Variants in YTHDC1 observed in about 807,000 individuals in gnomAD.
YTHDC1 encodes YTH N6-methyladenosine RNA binding protein C1, also known as YTH domain-containing protein 1.
YTHDC1 carries 12 observed loss-of-function variants against 107.0 expected under a neutral mutation model. That is an observed-to-expected ratio of 0.11 (90% CI 0.07 to 0.18). The LOEUF is 0.18. Among genes scored for constraint, YTHDC1 ranks in the 10% least tolerant of loss-of-function variants. The pLI is 1.00. For synonymous variants in YTHDC1, 280 were observed against 289.5 expected, an observed-to-expected ratio of 0.97 and a Z score of 0.33; for missense variants, 635 against 898.8, an observed-to-expected ratio of 0.71 and a Z score of 3.75.
At chr4:68,349,688 C>T in intron 1 of YTHDC1, 38 bp downstream of exon 1, 1 of 1,529,048 alleles carries the variant, frequency 6.5e-7, no homozygotes, top group South Asian at 1.1e-5. Context: ...TCCCGGGCCC[C>T]AGCCTCGCCT....
rs1560496601 is a variant in YTHDC1 at position 68,337,338 on chromosome 4, G to A, written c.572C>T (p.Ser191Phe). ...SDHETGSSGSSDEQGNNTENE... is the reference protein window; with the variant it reads ...SDHETGSSGSFDEQGNNTENE... The stretch of plus-strand genomic sequence containing the variant: ...CTCAGTGTTGTTCCCTTGCTCATCA[G>A]AAGAACCACTGCTGCCAGTCTCATG... The change falls in exon 4 of 17, where the codon TCT (serine) becomes TTT (phenylalanine). Residue 191 changes from serine (S) to phenylalanine (F), a missense_variant. By Grantham distance (155) the Ser-to-Phe change is radical (BLOSUM62 -2). Coordinates refer to ENST00000344157, the MANE Select transcript of YTHDC1 (RefSeq NM_001031732.4). 1.9e-6 allele frequency: 3 copies of A among 1,613,880 alleles called. No individual in the cohort carries two copies. The highest frequency in any genetic ancestry group is 2.5e-6 in the Non-Finnish European group (3 of 1,180,000).
At chr4:68,341,629 C>T (rs1225186685) in intron 1 of YTHDC1, among the ~76,000 whole-genome samples, 1 of 151,810 alleles carries the variant, frequency 6.6e-6, no homozygotes, top group Non-Finnish European at 1.5e-5. Flanking sequence ...ACACTTACAG[C>T]CCACAAAGTC....
In YTHDC1 at chr4:68,337,866, A is replaced by T; in HGVS notation, c.165T>A (p.Thr55=). The T allele has an allele frequency of 1.9e-6, 3 of 1,613,602 alleles. No homozygotes were observed. The highest frequency in any genetic ancestry group is 3.3e-5 in the Admixed American group (2 of 60,000). Residue 55 remains threonine, a synonymous_variant, in exon 3 of 17, where the codon ACT becomes ACA. Transcript: ENST00000344157. ...SKRKSDRMES[T]DTKRQKPSVH... ...CAGAAGGCTTTTGTCGTTTGGTATC[A>T]GTAGATTCCATTCGATCACTTTTTC...
chr4:68,345,915 T>C lies in YTHDC1; in HGVS notation c.28+3811A>G, dbSNP rs549451841. 1.1e-4 allele frequency among the ~76,000 whole-genome samples: 17 copies of C among 152,000 alleles called. 1 individual carries two copies. The East Asian group carries it at 3.1e-3, about 28-fold the overall frequency. On this transcript the variant is annotated intron_variant, in intron 1 of 16. Coordinates refer to ENST00000344157, the MANE Select transcript of YTHDC1 (RefSeq NM_001031732.4). ...TGCCTAGGGACAATAGACTATACCA[T>C]ACAGCCTAGATATGTAGTAGGTTAT...
chr4:68,345,016 G>GT (rs1235232781), intron 1 of YTHDC1, among the ~76,000 whole-genome samples: 1 of 152,176 alleles, frequency 6.6e-6, no homozygotes, highest in African/African-American at 2.4e-5. Context: ...GGGCAACAGA[G>GT]TAAGACCCTG....
chr4:68,314,430 A>C lies in YTHDC1; in HGVS notation c.1960-107T>G, dbSNP rs1052700846. ...TATAAACAATTTTAAAATATAAAAA[A>C]AGAAAAGTCTCTGTATTATAATCGG... On this transcript the variant is annotated intron_variant, in intron 16 of 16. Coordinates refer to ENST00000344157, the MANE Select transcript of YTHDC1 (RefSeq NM_001031732.4). 9 of 942,586 alleles carry C rather than the reference A, an allele frequency of 9.5e-6. No individual in the cohort carries two copies. The African/African-American group carries it at 1.5e-4, about 16-fold the overall frequency. The allele number at this position is 942,586 out of a possible 1,614,324, so 58.4% of individuals were successfully genotyped here.
At position 68,333,413 on chromosome 4, in the gene YTHDC1, GTT is replaced by G. The variant is rs745405437; in HGVS notation, c.884-18_884-17del. Reference sequence around the variant, plus strand: ...TTTTTCTCATCTAAAAAGAACAAGAGTTTTTTTTTTAAATCACAATACAGAAA... The same window carrying G: ...TTTTTCTCATCTAAAAAGAACAAGAGTTTTTTTTAAATCACAATACAGAAA... On this transcript the variant is annotated splice_polypyrimidine_tract_variant and intron_variant, in intron 4 of 16. Coordinates refer to ENST00000344157, the MANE Select transcript of YTHDC1 (RefSeq NM_001031732.4). The G allele has an allele frequency of 7.1e-7, 1 of 1,415,976 alleles. No individual in the cohort carries two copies. The highest frequency in any genetic ancestry group is 1.3e-5 in the South Asian group (1 of 77,264). The allele number at this position is 1,415,976 out of a possible 1,614,324, so 87.7% of individuals were successfully genotyped here.
At position 68,311,306 on chromosome 4, in the gene YTHDC1, A is replaced by C. The variant is rs1201872000; in HGVS notation, c.*2793T>G. 1 of 152,188 alleles carries C rather than the reference A, an allele frequency of 6.6e-6. No homozygotes were observed. The highest frequency in any genetic ancestry group is 2.4e-5 in the African/African-American group (1 of 41,444). 9.4% of individuals were successfully genotyped at this position (152,188 alleles called of 1,614,324 possible). A position where few individuals can be genotyped will look rare whatever the true frequency, so the allele number is the denominator to read the frequency against. Reference sequence around the variant, plus strand: ...AAAAATTAGACCATGCTTGAAAAAAAGCCATTATGGAGGAAATCATTATGG... The same window carrying C: ...AAAAATTAGACCATGCTTGAAAAAACGCCATTATGGAGGAAATCATTATGG... On this transcript the variant is annotated 3_prime_UTR_variant, in exon 17 of 17. Coordinates refer to ENST00000344157, the MANE Select transcript of YTHDC1 (RefSeq NM_001031732.4).
In YTHDC1 at chr4:68,332,781, A is replaced by T. The variant is rs903751207; in HGVS notation, c.1027+13T>A. The T allele has an allele frequency of 6.2e-7, 1 of 1,611,910 alleles. No homozygotes were observed. The highest frequency in any genetic ancestry group is 8.5e-7 in the Non-Finnish European group (1 of 1,178,900). On this transcript the variant is annotated intron_variant, in intron 6 of 16. Transcript: ENST00000344157. The stretch of plus-strand genomic sequence containing the variant: ...CAGCATGCAATGAAAACAATTTCAA[A>T]TTTAAATGATACCTTTTCGGACAGC...
At chr4:68,342,830 T>A (rs991590528) in intron 1 of YTHDC1, among the ~76,000 whole-genome samples, 3 of 152,192 alleles carry the variant, frequency 2.0e-5, no homozygotes, top group Non-Finnish European at 4.4e-5. Flanking sequence ...CACTGGCATA[T>A]CCTTTTTGAA....
intron 9 of YTHDC1, 73 bp from the exon 10 acceptor site, chr4:68,324,296 A>T: frequency 7.7e-7 from 1 of 1,301,968 alleles, no homozygotes; most frequent in South Asian, 1.2e-5. Flanking sequence ...TTTAGTAGTG[A>T]ATTCCTGTAT....
At chr4:68,316,291 C>T (rs749370707) in intron 16 of YTHDC1, 23 bp downstream of exon 16, 2 of 1,602,984 alleles carry the variant, frequency 1.2e-6, no homozygotes, top group Non-Finnish European at 1.7e-6. Flanking sequence ...TTCCCTCACA[C>T]CTTTGCCTCC....
At chr4:68,349,686 C>T in intron 1 of YTHDC1, 40 bp downstream of exon 1, 3 of 1,474,336 alleles carry the variant, frequency 2.0e-6, no homozygotes, top group East Asian at 3.0e-5. Context: ...ACTCCCGGGC[C>T]CCAGCCTCGC....
At chr4:68,347,597 A>C (rs547177828) in intron 1 of YTHDC1, among the ~76,000 whole-genome samples, 3 of 152,186 alleles carry the variant, frequency 2.0e-5, no homozygotes, top group South Asian at 4.1e-4. Flanking sequence ...TATAATTGCC[A>C]ATTTCTGCAA....
In YTHDC1 at chr4:68,337,205, C is replaced by G; in HGVS notation, c.705G>C (p.Glu235Asp). ...VDEDGEEEEE[E>D]EEEEEEEEEE... is the part of the protein sequence containing the mutation. ...CCTCCTCCTCCTCTTCCTCCTCCTC[C>G]TCTTCCTCCTCCTCCTCTCCATCTT... is the stretch of plus-strand genomic sequence containing the variant. Residue 235 changes from glutamate to aspartate, a missense_variant, in exon 4 of 17, where the codon GAG becomes GAC. Glu to Asp is a conservative substitution (Grantham distance 45). This residue lies in a region of YTHDC1 where 294 missense variants were observed against 312.3 expected (regional missense o/e 0.94). Transcript: ENST00000344157. 6.3e-7 allele frequency: 1 copy of G among 1,592,998 alleles called. No individual in the cohort carries two copies. Among genetic ancestry groups the G allele is most frequent in the South Asian group, 1.1e-5 (1 of 90,374 alleles).
At position 68,337,821 on chromosome 4, in the gene YTHDC1, A is replaced by G. The variant is rs750976325; in HGVS notation, c.210T>C (p.Val70=). 6.2e-7 allele frequency: 1 copy of G among 1,614,158 alleles called. No individual in the cohort carries two copies. Among genetic ancestry groups the G allele is most frequent in the Non-Finnish European group, 8.5e-7 (1 of 1,180,020 alleles). ...TAACAGATGAGCTCAGTGGCTTAGA[A>G]ACCAGTTGTCTAGAATGGACAGAAG... ...QKPSVHSRQL[V]SKPLSSSVSN... Residue 70 remains valine, a synonymous_variant, in exon 3 of 17, where the codon GTT becomes GTC. Coordinates refer to ENST00000344157, the MANE Select transcript of YTHDC1 (RefSeq NM_001031732.4).
At chr4:68,325,511 A>G (rs1282649750) in intron 9 of YTHDC1, among the ~76,000 whole-genome samples, 3 of 152,206 alleles carry the variant, frequency 2.0e-5, no homozygotes, top group African/African-American at 4.8e-5. Flanking sequence ...ATAACCTTAC[A>G]TGAATTTTCT....
chr4:68,344,040 G>T (rs1407714942), intron 1 of YTHDC1: 1 of 152,066 alleles, frequency 6.6e-6, no homozygotes, highest in African/African-American at 2.4e-5. Flanking sequence ...TAGGGGCCCA[G>T]ATTCTCACCT....
intron 1 of YTHDC1, among the ~76,000 whole-genome samples, chr4:68,344,678 T>C (rs903556062): frequency 1.3e-5 from 2 of 152,186 alleles, no homozygotes; most frequent in Admixed American, 6.5e-5. Flanking sequence ...CACAAACTAA[T>C]AGCAAAATGA....
Sources: gnomAD v4.1 joint callset for allele counts (sites outside exome capture counted in the v4.1 genomes callset) on GRCh38, gnomAD v4.1.1 for gene constraint, gnomAD v4.1.1 regional missense constraint, MANE v1.5 for transcripts, NCBI Gene and HGNC (gene_info 2026-07-23, HGNC 2026-07-21) for gene names.